The following RPRD2 variants were observed in gnomAD, a reference collection of about 807,000 sequenced individuals.
The protein encoded by RPRD2 is regulation of nuclear pre-mRNA domain-containing protein 2.
RPRD2 carries 12 observed loss-of-function variants against 104.4 expected under a neutral mutation model. The ratio of observed to expected loss-of-function variants is 0.11; its 90% CI spans 0.07 to 0.19. RPRD2 has a LOEUF of 0.19. RPRD2 is among the 10% of genes least tolerant of loss of function. The pLI is 1.00. For missense variants in RPRD2, 1,543 were observed against 1,790.1 expected, an observed-to-expected ratio of 0.86 and a Z score of 2.49; for synonymous variants, 714 against 684.9, an observed-to-expected ratio of 1.04 and a Z score of -0.66.
chr1:150,425,721 TA>T (rs782425964), intron 2 of RPRD2, among the ~76,000 whole-genome samples: 4 of 152,156 alleles, frequency 2.6e-5, no homozygotes, highest in Non-Finnish European at 5.9e-5. Flanking sequence ...ATGATATAAT[TA>T]GGGGCAAAGA....
In RPRD2 at chr1:150,386,861, A is replaced by C. The variant is rs145388361; in HGVS notation, c.205+21942A>C. Among the ~76,000 whole-genome samples, 372 of 152,316 alleles carry C rather than the reference A, an allele frequency of 2.4e-3. 5 individuals are homozygous for C. In the Middle Eastern group the frequency reaches 0.034, roughly 14 times the overall value. ...GATGGCTACAAAATTATTACAGTAT[A>C]GTATGTACAGTAGTGAATTTTATTC... On this transcript the variant is annotated intron_variant, in intron 1 of 10. Transcript: ENST00000369068.
chr1:150,364,970 G>A, intron 1 of RPRD2, 51 bp downstream of exon 1: 2 of 1,585,284 alleles, frequency 1.3e-6, no homozygotes, highest in Non-Finnish European at 1.7e-6. Context: ...ATGGAAGGAA[G>A]TGTGGCCTGA....
intron 10 of RPRD2, among the ~76,000 whole-genome samples, chr1:150,468,037 CT>C (rs1668386970): frequency 6.6e-6 from 1 of 152,030 alleles, no homozygotes; most frequent in African/African-American, 2.4e-5. Context: ...TGGCTCACAG[CT>C]GTAACCCCAA....
chr1:150,437,026 C>T (rs1666051583), intron 2 of RPRD2, among the ~76,000 whole-genome samples: 1 of 152,084 alleles, frequency 6.6e-6, no homozygotes, highest in Non-Finnish European at 1.5e-5. Flanking sequence ...GGCAACATTG[C>T]GAGACGTAGT....
rs782288641 is a variant in RPRD2 at position 150,446,254 on chromosome 1, A to G, written c.723A>G (p.Lys241=). Reference sequence around the variant, plus strand: ...AAACAGGTGGGAAGAAGTTCTCCAAAGAATTTGAAGAGGCAAGCTCCAAGC... The same window carrying G: ...AAACAGGTGGGAAGAAGTTCTCCAAGGAATTTGAAGAGGCAAGCTCCAAGC... ...KDKTGGKKFS[K]EFEEASSKLE... Residue 241 remains lysine (K), a synonymous_variant, in exon 7 of 11, where the codon AAA becomes AAG. Transcript: ENST00000369068. 1 of 1,593,792 alleles carries G rather than the reference A, an allele frequency of 6.3e-7. No individual in the cohort carries two copies. Among genetic ancestry groups the G allele is most frequent in the South Asian group, 1.1e-5 (1 of 87,006 alleles).
chr1:150,371,888 C>A (rs184500279), intron 1 of RPRD2, among the ~76,000 whole-genome samples: 1 of 152,142 alleles, frequency 6.6e-6, no homozygotes, highest in Admixed American at 6.5e-5. Context: ...ACTAGACTAT[C>A]AAGATTTTAA....
At position 150,471,259 on chromosome 1, in the gene RPRD2, C is replaced by A; in HGVS notation, c.2311C>A (p.Pro771Thr). Reference sequence around the variant, plus strand: ...AACACCCAGCAGTACAAGATCACCACCCCCTGGGAGAGATGAAAGCTACCC... The same window carrying A: ...AACACCCAGCAGTACAAGATCACCAACCCCTGGGAGAGATGAAAGCTACCC... Reference protein sequence around the residue: ...SSTPSSTRSPPPGRDESYPRE... With the variant: ...SSTPSSTRSPTPGRDESYPRE... The change falls in exon 11 of 11, where the codon CCC becomes ACC. Residue 771 changes from proline to threonine, a missense_variant. Coordinates refer to ENST00000369068, the MANE Select transcript of RPRD2 (RefSeq NM_015203.5). This position sits in a 1 kb window ranked among gnomAD's most constrained non-coding sequence, Gnocchi z 5.3. The A allele has an allele frequency of 6.2e-7, 1 of 1,613,792 alleles. No homozygotes were observed. Among genetic ancestry groups the A allele is most frequent in the South Asian group, 1.1e-5 (1 of 91,034 alleles).
At chr1:150,432,492 AG>A (rs1175732644) in intron 2 of RPRD2, among the ~76,000 whole-genome samples, 4 of 152,018 alleles carry the variant, frequency 2.6e-5, no homozygotes, top group African/African-American at 9.7e-5. Flanking sequence ...GGTCTAAGGG[AG>A]GTAGTGAAAA....
At chr1:150,406,217 T>G (rs1302890817) in intron 1 of RPRD2, among the ~76,000 whole-genome samples, 1 of 152,168 alleles carries the variant, frequency 6.6e-6, no homozygotes, top group Non-Finnish European at 1.5e-5. Context: ...TGGTGGAATA[T>G]ATGAACAGAT....
At chr1:150,461,197 C>T (rs1179278007) in intron 9 of RPRD2, among the ~76,000 whole-genome samples, 1 of 149,672 alleles carries the variant, frequency 6.7e-6, no homozygotes, top group East Asian at 2.0e-4. Flanking sequence ...AGTTCGAGAC[C>T]AGCCTTGGCA....
Position 150,417,515 on chromosome 1 carries a change from G to A in RPRD2, c.206-81G>A. ...AAAAAAAAATAACCAGTTACAGTTTGAGAACACTGTATTTGGAATAAGTTG... is the reference window on the plus strand; with the variant it reads ...AAAAAAAAATAACCAGTTACAGTTTAAGAACACTGTATTTGGAATAAGTTG... On this transcript the variant is annotated intron_variant, in intron 1 of 10. Transcript: ENST00000369068. 10 of 1,137,304 alleles carry A rather than the reference G, an allele frequency of 8.8e-6. No homozygotes were observed. In the South Asian group the frequency reaches 2.2e-4, roughly 25 times the overall value. The allele number at this position is 1,137,304 out of a possible 1,614,324, so 70.5% of individuals were successfully genotyped here. A position where few individuals can be genotyped will look rare whatever the true frequency, so the allele number is the denominator to read the frequency against.
At chr1:150,444,963 G>GT in intron 6 of RPRD2, among the ~76,000 whole-genome samples, 1 of 152,276 alleles carries the variant, frequency 6.6e-6, no homozygotes, top group African/African-American at 2.4e-5. Flanking sequence ...AGGGCAGGAG[G>GT]ACTGCTTGAG....
At chr1:150,407,357 A>G (rs1461500480) in intron 1 of RPRD2, among the ~76,000 whole-genome samples, 5 of 152,240 alleles carry the variant, frequency 3.3e-5, no homozygotes, top group African/African-American at 7.2e-5. Flanking sequence ...TCTGACTTCT[A>G]TACATACAGC....
intron 1 of RPRD2, among the ~76,000 whole-genome samples, chr1:150,398,772 A>G (rs938846929): frequency 6.6e-6 from 1 of 151,162 alleles, no homozygotes; most frequent in African/African-American, 2.4e-5. Flanking sequence ...CGAACTCCTG[A>G]CCTCAAGTGA....
In RPRD2 at chr1:150,473,366, C is replaced by A; in HGVS notation, c.*32C>A. On this transcript the variant is annotated 3_prime_UTR_variant, in exon 11 of 11. Coordinates refer to ENST00000369068, the MANE Select transcript of RPRD2 (RefSeq NM_015203.5). ...CCAAGGGAAAGGCATTTTGAACAGT[C>A]TAGAGAACATTGGAAGTAGGAGTTT... 1 of 1,524,500 alleles carries A rather than the reference C, an allele frequency of 6.6e-7. No individual in the cohort carries two copies. The highest frequency in any genetic ancestry group is 8.8e-7 in the Non-Finnish European group (1 of 1,135,690). The allele number at this position is 1,524,500 out of a possible 1,614,324, so 94.4% of individuals were successfully genotyped here.
At chr1:150,429,512 A>G (rs1411431931) in intron 2 of RPRD2, among the ~76,000 whole-genome samples, 2 of 151,456 alleles carry the variant, frequency 1.3e-5, no homozygotes, top group Non-Finnish European at 2.9e-5. Context: ...GCACAACCAT[A>G]CCTGGCTAAT....
At chr1:150,394,676 C>T (rs1662353087) in intron 1 of RPRD2, among the ~76,000 whole-genome samples, 1 of 152,146 alleles carries the variant, frequency 6.6e-6, no homozygotes, top group South Asian at 2.1e-4. Flanking sequence ...ACTGCAACCT[C>T]AGCCTCCCGG....
intron 1 of RPRD2, among the ~76,000 whole-genome samples, chr1:150,411,788 CAAAAAAAAAAAAAAA>C (rs71086508): frequency 0.53 from 37,312 of 70,692 alleles, 6,023 homozygotes; most frequent in Middle Eastern, 0.61. Context: ...TAGACTGTCT[CAAAAAAAAAAAAAAA>C]AAAAAAAAAA....
Position 150,471,314 on chromosome 1 carries a change from A to T in RPRD2, c.2366A>T (p.Tyr789Phe). Residue 789 changes from tyrosine to phenylalanine, a missense_variant, in exon 11 of 11, where the codon TAT becomes TTT. Transcript: ENST00000369068. This position sits in a 1 kb window ranked among gnomAD's most constrained non-coding sequence, Gnocchi z 5.3. Reference protein sequence around the residue: ...PRELSNSVSTYRPFGLGSESP... With the variant: ...PRELSNSVSTFRPFGLGSESP... ...GAGCTCTCCAATTCTGTATCTACAT[A>T]TCGACCCTTTGGTCTGGGCAGTGAA... 6.2e-7 allele frequency: 1 copy of T among 1,613,818 alleles called. No individual in the cohort carries two copies.
Sources: gnomAD v4.1 joint callset for allele counts (sites outside exome capture counted in the v4.1 genomes callset) on GRCh38, gnomAD v4.1.1 for gene constraint, Gnocchi (gnomAD v3.1) non-coding constraint, MANE v1.5 for transcripts, NCBI Gene and HGNC (gene_info 2026-07-23, HGNC 2026-07-21) for gene names.